The following RUFY3 variants were observed in gnomAD, a reference collection of about 807,000 sequenced individuals.
RUFY3 encodes the protein RUN and FYVE domain containing 3, also known as protein RUFY3.
Under a neutral mutation model 84.0 loss-of-function variants are expected in RUFY3, and 34 were observed. That is an observed-to-expected ratio of 0.40 (90% CI 0.31 to 0.54). The LOEUF is 0.54. RUFY3 is among the 20% of genes least tolerant of loss of function. The probability of loss-of-function intolerance (pLI) is 0.39; values close to 1 mark genes in which losing one functional copy is unlikely to be tolerated. For synonymous variants in RUFY3, 242 were observed against 252.9 expected (o/e 0.96, Z 0.41); for missense variants, 507 against 736.8 (o/e 0.69, Z 3.61).
chr4:70,723,477 AT>A (rs1183998455), intron 1 of RUFY3, among the ~76,000 whole-genome samples: 2 of 152,096 alleles, frequency 1.3e-5, no homozygotes, highest in Non-Finnish European at 2.9e-5. Flanking sequence ...TCCATTTGAG[AT>A]TTCCACTGTC....
rs752246717 is a variant in RUFY3 at position 70,793,915 on chromosome 4, G to T, written c.1457+11G>T. ...GCTCACCAGGCAGCGGTGAAGAGGG[G>T]GTAGCTTGAGCTGACAGGGTGGTCA... On this transcript the variant is annotated intron_variant, in intron 13 of 17. Coordinates refer to ENST00000381006, the MANE Select transcript of RUFY3 (RefSeq NM_001037442.4). 6.2e-7 allele frequency: 1 copy of T among 1,613,218 alleles called. No homozygotes were observed. The highest frequency in any genetic ancestry group is 8.5e-7 in the Non-Finnish European group (1 of 1,179,596).
intron 1 of RUFY3, among the ~76,000 whole-genome samples, chr4:70,739,334 C>T (rs987013671): frequency 1.3e-5 from 2 of 152,022 alleles, no homozygotes; most frequent in Admixed American, 6.6e-5. Context: ...TCCATTCACT[C>T]TATTGTCTTT....
In RUFY3 at chr4:70,788,882, A is replaced by T; in HGVS notation, c.1148A>T (p.Asp383Val). The change falls in exon 11 of 18, where the codon GAT becomes GTT. Residue 383 changes from aspartate to valine, a missense_variant. Around this residue, in one of 4 missense-constraint regions of RUFY3, gnomAD observed 334 missense variants for 364.1 expected, o/e 0.92. Coordinates refer to ENST00000381006, the MANE Select transcript of RUFY3 (RefSeq NM_001037442.4). The stretch of plus-strand genomic sequence containing the variant: ...TTGGCTATGAAGATGCTGGAGAAGG[A>T]TGTCTGTGAGAAGCAGGATGCCCTG... ...MELAMKMLEK[D>V]VCEKQDALVS... 6.2e-7 allele frequency: 1 copy of T among 1,614,170 alleles called. No individual in the cohort carries two copies. The highest frequency in any genetic ancestry group is 8.5e-7 in the Non-Finnish European group (1 of 1,180,036).
At chr4:70,733,010 T>G (rs960234289) in intron 1 of RUFY3, among the ~76,000 whole-genome samples, 1 of 149,430 alleles carries the variant, frequency 6.7e-6, no homozygotes, top group Non-Finnish European at 1.5e-5. Flanking sequence ...GAGGTTGCAG[T>G]GAGCCAAGAT....
At chr4:70,737,676 CTTT>C (rs57075760) in intron 1 of RUFY3, among the ~76,000 whole-genome samples, 12 of 134,390 alleles carry the variant, frequency 8.9e-5, no homozygotes, top group Non-Finnish European at 7.9e-5. Context: ...ATTAATTCCT[CTTT>C]TTTTTTTTTT....
intron 1 of RUFY3, among the ~76,000 whole-genome samples, chr4:70,734,018 G>A (rs192156570): frequency 6.6e-6 from 1 of 152,318 alleles, no homozygotes; most frequent in Non-Finnish European, 1.5e-5. Context: ...TCACACATCT[G>A]TGAGTGGGAA....
upstream of RUFY3, among the ~76,000 whole-genome samples, chr4:70,718,709 T>C (rs1351629132): frequency 2.6e-5 from 4 of 151,866 alleles, no homozygotes; most frequent in Non-Finnish European, 5.9e-5. Flanking sequence ...GTAAAAACGG[T>C]ACTAAGCAAT....
At chr4:70,791,560 CCA>C in intron 12 of RUFY3, 1 of 1,276,076 alleles carries the variant, frequency 7.8e-7, no homozygotes, top group Non-Finnish European at 9.9e-7. Flanking sequence ...TCTGAGTTGA[CCA>C]ATAAATAAAA....
At chr4:70,795,386 A>C (rs919076314) in intron 14 of RUFY3, among the ~76,000 whole-genome samples, 5 of 152,162 alleles carry the variant, frequency 3.3e-5, no homozygotes, top group African/African-American at 9.7e-5. Context: ...ATTAGGCTTG[A>C]GGAAAGGAAG....
chr4:70,776,751 G>C (rs1728044659), intron 7 of RUFY3, among the ~76,000 whole-genome samples: 1 of 152,140 alleles, frequency 6.6e-6, no homozygotes, highest in South Asian at 2.1e-4. Context: ...ACTCCAGCAT[G>C]GGCAACCGAG....
At chr4:70,767,952 T>G in intron 4 of RUFY3, among the ~76,000 whole-genome samples, 1 of 152,202 alleles carries the variant, frequency 6.6e-6, no homozygotes. Flanking sequence ...GTGCTGGGAT[T>G]ACAAGCGTGA....
intron 1 of RUFY3, chr4:70,705,308 G>A (rs542655466): frequency 5.9e-6 from 8 of 1,364,934 alleles, no homozygotes; most frequent in Admixed American, 3.5e-5. Context: ...AGTGGCGGAG[G>A]GGCATGGGGA....
At chr4:70,757,561 G>A (rs1297755470) in intron 1 of RUFY3, among the ~76,000 whole-genome samples, 2 of 152,092 alleles carry the variant, frequency 1.3e-5, no homozygotes, top group African/African-American at 4.8e-5. Context: ...CCAAGATCGC[G>A]CCATTGCACT....
chr4:70,791,476 T>C (rs1332468896), intron 12 of RUFY3: 11 of 1,395,356 alleles, frequency 7.9e-6, no homozygotes, highest in Non-Finnish European at 1.0e-5. Context: ...TTTTTTCTTA[T>C]TGTTTTCTCC....
Position 70,730,811 on chromosome 4 carries a change from C to G in RUFY3, c.178+8060C>G, listed in dbSNP as rs74518254. The stretch of plus-strand genomic sequence containing the variant: ...ATAACCGGTAGAGGCAGGATTCAAA[C>G]TCAGACTACCAATGGTTCAACCCAT... On this transcript the variant is annotated intron_variant, in intron 1 of 17. Transcript: ENST00000381006. Among the ~76,000 whole-genome samples, 13 of 152,282 alleles carry G rather than the reference C, an allele frequency of 8.5e-5. No individual in the cohort carries two copies. The East Asian group carries it at 2.5e-3, about 29-fold the overall frequency.
Position 70,784,351 on chromosome 4 carries a change from C to T in RUFY3, c.988-445C>T, listed in dbSNP as rs1318475948. On this transcript the variant is annotated intron_variant, in intron 9 of 17. Transcript: ENST00000381006. Reference sequence around the variant, plus strand: ...TACAAAAATTAGCCGGGCGTGGTGGCGCACGCCTATAATCCCAGCTACTCG... The same window carrying T: ...TACAAAAATTAGCCGGGCGTGGTGGTGCACGCCTATAATCCCAGCTACTCG... Among the ~76,000 whole-genome samples, 6 of 152,094 alleles carry T rather than the reference C, an allele frequency of 3.9e-5. No individual in the cohort carries two copies. In the East Asian group the frequency reaches 5.8e-4, roughly 15 times the overall value.
At chr4:70,805,689 C>T (rs1208049541) in intron 17 of RUFY3, among the ~76,000 whole-genome samples, 1 of 152,158 alleles carries the variant, frequency 6.6e-6, no homozygotes, top group Non-Finnish European at 1.5e-5. Flanking sequence ...TCTGGCTTTC[C>T]TCTTCTAAGC....
Position 70,764,513 on chromosome 4 carries a change from C to T in RUFY3, c.509C>T (p.Ala170Val), listed in dbSNP as rs1725516233. 6.2e-7 allele frequency: 1 copy of T among 1,613,738 alleles called. No homozygotes were observed. The highest frequency in any genetic ancestry group is 8.5e-7 in the Non-Finnish European group (1 of 1,179,804). ...VGRGRAWLRL[A>V]LMQKKLSEYM... ...AGAGGAAGAGCCTGGCTTCGTTTGGCATTAATGCAAAAGAAACTTTCAGAA... is the reference window on the plus strand; with the variant it reads ...AGAGGAAGAGCCTGGCTTCGTTTGGTATTAATGCAAAAGAAACTTTCAGAA... The change falls in exon 4 of 18, where the codon GCA becomes GTA. Residue 170 changes from alanine to valine, a missense_variant. Physicochemically the swap from Ala to Val is moderately conservative, Grantham distance 64. Coordinates refer to ENST00000381006, the MANE Select transcript of RUFY3 (RefSeq NM_001037442.4).
chr4:70,716,000 G>C (rs1000553460), intron 1 of RUFY3, among the ~76,000 whole-genome samples: 1 of 151,972 alleles, frequency 6.6e-6, no homozygotes, highest in Non-Finnish European at 1.5e-5. Flanking sequence ...TGTAGTCCCA[G>C]CTACTTGGGA....
Sources: gnomAD v4.1 joint callset for allele counts (sites outside exome capture counted in the v4.1 genomes callset) on GRCh38, gnomAD v4.1.1 for gene constraint, gnomAD v4.1.1 regional missense constraint, MANE v1.5 for transcripts, NCBI Gene and HGNC (gene_info 2026-07-23, HGNC 2026-07-21) for gene names.